Variants in GOLPH3L observed in about 807,000 individuals in gnomAD.
GOLPH3L encodes Golgi phosphoprotein 3-like.
Under a neutral mutation model 30.3 loss-of-function variants are expected in GOLPH3L, and 22 were observed. That is an observed-to-expected ratio of 0.73 (90% CI 0.52 to 1.04). The LOEUF is 1.04. Among genes scored for constraint, GOLPH3L ranks in the 50% least tolerant of loss-of-function variants. The pLI, the probability that GOLPH3L is intolerant of heterozygous loss-of-function variation, is 0.00. For synonymous variants in GOLPH3L, 120 were observed against 128.2 expected, an observed-to-expected ratio of 0.94 and a Z score of 0.43; for missense variants, 303 against 345.8, an observed-to-expected ratio of 0.88 and a Z score of 0.98.
At chr1:150,693,490 G>A (rs1004420527) in intron 2 of GOLPH3L, among the ~76,000 whole-genome samples, 9 of 151,900 alleles carry the variant, frequency 5.9e-5, no homozygotes, top group African/African-American at 2.2e-4. Flanking sequence ...TGGGCGAGGG[G>A]GGGCGGTTAT....
chr1:150,679,516 G>A (rs1460257930), intron 2 of GOLPH3L, among the ~76,000 whole-genome samples: 2 of 152,134 alleles, frequency 1.3e-5, no homozygotes, highest in Non-Finnish European at 2.9e-5. Context: ...ATAATAAAAA[G>A]GGCTGGGCGC....
intron 2 of GOLPH3L, among the ~76,000 whole-genome samples, chr1:150,674,174 CTT>C (rs1174542098): frequency 3.4e-5 from 5 of 149,124 alleles, no homozygotes; most frequent in African/African-American, 1.2e-4. Flanking sequence ...AGGCAGTACT[CTT>C]TTGAATATAG....
At chr1:150,694,632 G>C in intron 2 of GOLPH3L, 24 bp downstream of exon 2, 1 of 1,449,014 alleles carries the variant, frequency 6.9e-7, no homozygotes, top group Non-Finnish European at 9.5e-7. Flanking sequence ...CTTTGAGATA[G>C]CCTAGCAAAC....
intron 2 of GOLPH3L, among the ~76,000 whole-genome samples, chr1:150,669,674 T>C (rs956167500): frequency 1.3e-5 from 2 of 151,896 alleles, no homozygotes; most frequent in Non-Finnish European, 2.9e-5. Flanking sequence ...TTAATATACA[T>C]CTGTAGGCCG....
intron 2 of GOLPH3L, among the ~76,000 whole-genome samples, chr1:150,681,062 C>G (rs1433884735): frequency 6.6e-6 from 1 of 152,108 alleles, no homozygotes; most frequent in Non-Finnish European, 1.5e-5. Context: ...ACCACTTGAA[C>G]CTGGAAGGTG....
chr1:150,658,947 A>T (rs1310016703), intron 4 of GOLPH3L, among the ~76,000 whole-genome samples: 1 of 152,216 alleles, frequency 6.6e-6, no homozygotes, highest in Non-Finnish European at 1.5e-5. Flanking sequence ...GATATTGCAA[A>T]ATTAAAAGAA....
intron 2 of GOLPH3L, among the ~76,000 whole-genome samples, chr1:150,689,309 C>A (rs587751421): frequency 6.6e-6 from 1 of 152,262 alleles, no homozygotes; most frequent in South Asian, 2.1e-4. Context: ...CAGTAATTGG[C>A]TTACTCCCCT....
rs374888258 is a variant in GOLPH3L, at chr1:150,670,520, C to T, written c.184-6757G>A. Among the ~76,000 whole-genome samples, 7 of 151,966 alleles carry T rather than the reference C, an allele frequency of 4.6e-5. 1 individual carries two copies. The East Asian group carries it at 5.8e-4, about 13-fold the overall frequency. On this transcript the variant is annotated intron_variant, in intron 2 of 4. Coordinates refer to ENST00000271732, the MANE Select transcript of GOLPH3L (RefSeq NM_018178.6). ...GCTGAGGCAGGAGAATGGCATGAAC[C>T]CAGGAGGCGGAGCTTGCAGTGAGCC...
chr1:150,649,649 CCA>C (rs1165789783), intron 4 of GOLPH3L, among the ~76,000 whole-genome samples: 1 of 152,066 alleles, frequency 6.6e-6, no homozygotes, highest in Non-Finnish European at 1.5e-5. Context: ...CAGGCTGCAC[CCA>C]CTCAGGAGCA....
chr1:150,659,455 A>G (rs1650320839), intron 4 of GOLPH3L, among the ~76,000 whole-genome samples: 1 of 152,210 alleles, frequency 6.6e-6, no homozygotes, highest in Non-Finnish European at 1.5e-5. Flanking sequence ...CCTTAAGGAC[A>G]TGTTCATGCT....
chr1:150,695,958 A>T (rs768127546), intron 1 of GOLPH3L, among the ~76,000 whole-genome samples: 6 of 152,206 alleles, frequency 3.9e-5, no homozygotes, highest in Non-Finnish European at 7.3e-5. Context: ...GTCAAAAGAA[A>T]CTGCACTAAA....
chr1:150,658,832 G>A (rs1267781016), intron 4 of GOLPH3L, among the ~76,000 whole-genome samples: 1 of 152,194 alleles, frequency 6.6e-6, no homozygotes, highest in African/African-American at 2.4e-5. Flanking sequence ...CGCTGTAGGA[G>A]CTAAACATAA....
chr1:150,652,701 T>G (rs1157154588), intron 4 of GOLPH3L, among the ~76,000 whole-genome samples: 2 of 152,138 alleles, frequency 1.3e-5, no homozygotes, highest in African/African-American at 4.8e-5. Context: ...AATATTTATA[T>G]AATTGTTATT....
Position 150,675,429 on chromosome 1 carries a change from A to C in GOLPH3L, c.184-11666T>G, listed in dbSNP as rs587724727. On this transcript the variant is annotated intron_variant, in intron 2 of 4. Transcript: ENST00000271732. ...TACAACCAAACTTTTCTGTATACAT[A>C]AAATACATGTATCTTCTACCCATCA... Among the ~76,000 whole-genome samples, 4 of 152,282 alleles carry C rather than the reference A, an allele frequency of 2.6e-5. No individual in the cohort carries two copies. The South Asian group carries it at 8.3e-4, about 32-fold the overall frequency.
chr1:150,690,256 C>T (rs1477384267), intron 2 of GOLPH3L, among the ~76,000 whole-genome samples: 2 of 152,050 alleles, frequency 1.3e-5, no homozygotes, highest in African/African-American at 4.8e-5. Flanking sequence ...GCTGGGATTA[C>T]AGACAGGAGC....
rs953258048 is a variant in GOLPH3L, at chr1:150,646,749, T to C, written c.*1572A>G. ...TAATGTCAGGTCTGGGTCATCTGTA[T>C]TAACCCTTTGACAGTTTGTTGTTCT... is the stretch of plus-strand genomic sequence containing the variant. On this transcript the variant is annotated 3_prime_UTR_variant, in exon 5 of 5. Transcript: ENST00000271732. The C allele has an allele frequency of 6.6e-6, 1 of 152,218 alleles. No individual in the cohort carries two copies. The highest frequency in any genetic ancestry group is 2.4e-5 in the African/African-American group (1 of 41,450). 9.4% of individuals were successfully genotyped at this position (152,218 alleles called of 1,614,324 possible).
intron 4 of GOLPH3L, 45 bp downstream of exon 4, chr1:150,661,769 A>G (rs1650371922): frequency 1.1e-6 from 1 of 878,154 alleles, no homozygotes; most frequent in Admixed American, 1.7e-5. Flanking sequence ...GGTAGGATAA[A>G]GATAACAAAG....
chr1:150,679,546 C>A (rs1311705280), intron 2 of GOLPH3L, among the ~76,000 whole-genome samples: 2 of 152,148 alleles, frequency 1.3e-5, no homozygotes, highest in Non-Finnish European at 2.9e-5. Context: ...CACCTGCAAT[C>A]CTAGCACTTT....
At chr1:150,661,682 T>C (rs999505623) in intron 4 of GOLPH3L, 132 bp downstream of exon 4, 1 of 578,504 alleles carries the variant, frequency 1.7e-6, no homozygotes, top group Non-Finnish European at 3.1e-6. Context: ...TTTCTGTCCC[T>C]CATTAGAATT....
Sources: gnomAD v4.1 joint callset for allele counts (sites outside exome capture counted in the v4.1 genomes callset) on GRCh38, gnomAD v4.1.1 for gene constraint, MANE v1.5 for transcripts, NCBI Gene and HGNC (gene_info 2026-07-23, HGNC 2026-07-21) for gene names.